Variants in SPINT1 observed in about 807,000 individuals in gnomAD.
SPINT1 encodes the protein kunitz-type protease inhibitor 1.
A neutral mutation model predicts 53.7 loss-of-function variants in SPINT1; 38 were observed. That is an observed-to-expected ratio of 0.71 (90% CI 0.55 to 0.93). SPINT1 has a LOEUF of 0.93. Ranked by LOEUF, SPINT1 falls within the 40% of genes least tolerant of loss-of-function variation. The pLI is 0.00. For synonymous variants in SPINT1, 283 were observed against 280.6 expected, an observed-to-expected ratio of 1.01 and a Z score of -0.08; for missense variants, 645 against 692.9, an observed-to-expected ratio of 0.93 and a Z score of 0.78.
chr15:40,856,830 T>C lies in SPINT1; in HGVS notation c.1397T>C (p.Ile466Thr). Residue 466 changes from isoleucine to threonine, a missense_variant, in exon 11 of 11, where the codon ATC (isoleucine) becomes ACC (threonine). Coordinates refer to ENST00000562057, the MANE Select transcript of SPINT1 (RefSeq NM_003710.4). Reference protein sequence around the residue: ...LVICIVVVVAILGYCFFKNQR... With the variant: ...LVICIVVVVATLGYCFFKNQR... ...ATCTGCATTGTGGTGGTGGTAGCCA[T>C]CTTGGGTTACTGCTTCTTCAAGAAC... 1 of 1,614,102 alleles carries C rather than the reference T, an allele frequency of 6.2e-7. No individual in the cohort carries two copies. Among genetic ancestry groups the C allele is most frequent in the Non-Finnish European group, 8.5e-7 (1 of 1,180,016 alleles).
rs748696756 is a variant in SPINT1, at chr15:40,856,893, C to T, written c.1460C>T (p.Pro487Leu). The stretch of plus-strand genomic sequence containing the variant: ...TTCCACGGACACCACCACCACCCAC[C>T]ACCCACCCCTGCCAGCTCCACTGTC... Reference protein sequence around the residue: ...KDFHGHHHHPPPTPASSTVST... With the variant: ...KDFHGHHHHPLPTPASSTVST... The change falls in exon 11 of 11, where the codon CCA becomes CTA. Residue 487 changes from proline (P) to leucine (L), a missense_variant. Coordinates refer to ENST00000562057, the MANE Select transcript of SPINT1 (RefSeq NM_003710.4). 3 of 1,614,162 alleles carry T rather than the reference C, an allele frequency of 1.9e-6. No individual in the cohort carries two copies. Among genetic ancestry groups the T allele is most frequent in the East Asian group, 2.2e-5 (1 of 44,884 alleles).
Position 40,855,941 on chromosome 15 carries a change from G to A in SPINT1, c.1167G>A (p.Pro389=), listed in dbSNP as rs144011977. 8.2e-5 allele frequency: 132 copies of A among 1,614,106 alleles called. No homozygotes were observed. The African/African-American group carries it at 1.1e-3, about 13-fold the overall frequency. The part of the protein sequence containing the change: ...PDTGLCKESI[P]RWYYNPFSEH... ...CAGGACTCTGCAAGGAGAGCATCCC[G>A]CGCTGGTACTACAACCCCTTCAGCG... The change falls in exon 9 of 11, where the codon CCG becomes CCA. Residue 389 remains proline, a synonymous_variant. Transcript: ENST00000562057.
chr15:40,856,867 C>T lies in SPINT1; in HGVS notation c.1434C>T (p.Asp478=). ...GCTTCTTCAAGAACCAGAGAAAGGA[C>T]TTCCACGGACACCACCACCACCCAC... The part of the protein sequence containing the change: ...GYCFFKNQRK[D]FHGHHHHPPP... The change falls in exon 11 of 11, where the codon GAC becomes GAT. Residue 478 remains aspartate, a synonymous_variant. Coordinates refer to ENST00000562057, the MANE Select transcript of SPINT1 (RefSeq NM_003710.4). 6.2e-7 allele frequency: 1 copy of T among 1,614,182 alleles called. No homozygotes were observed. The highest frequency in any genetic ancestry group is 8.5e-7 in the Non-Finnish European group (1 of 1,180,030).
chr15:40,856,633 T>C, intron 10 of SPINT1, 137 bp from the exon 11 acceptor site: 1 of 1,483,134 alleles, frequency 6.7e-7, no homozygotes, highest in Non-Finnish European at 9.0e-7. Flanking sequence ...GCTGTTCATA[T>C]GTGGGAGGTC....
chr15:40,854,468 T>G lies in SPINT1; in HGVS notation c.1012T>G (p.Cys338Gly), dbSNP rs748183999. ...NGCCIDSFLE[C>G]DDTPNCPDAS... The stretch of plus-strand genomic sequence containing the variant: ...CTGCTGCATCGACAGTTTCCTGGAG[T>G]GTGACGACACCCCCAACTGCCCCGA... The change falls in exon 7 of 11, where the codon TGT (cysteine) becomes GGT (glycine). Residue 338 changes from cysteine (C) to glycine (G), a missense_variant. Physicochemically the swap from Cys to Gly is radical, Grantham distance 159. Coordinates refer to ENST00000562057, the MANE Select transcript of SPINT1 (RefSeq NM_003710.4). 1 of 1,613,168 alleles carries G rather than the reference T, an allele frequency of 6.2e-7. No homozygotes were observed. Among genetic ancestry groups the G allele is most frequent in the Non-Finnish European group, 8.5e-7 (1 of 1,179,806 alleles).
At chr15:40,854,551 G>A in intron 7 of SPINT1, 29 bp downstream of exon 7, 9 of 1,613,568 alleles carry the variant, frequency 5.6e-6, no homozygotes, top group Non-Finnish European at 7.6e-6. Context: ...AGGGGGTTGG[G>A]CAGCAGACAG....
chr15:40,856,004 C>T lies in SPINT1; in HGVS notation c.1230C>T (p.Gly410=). 1 of 1,614,216 alleles carries T rather than the reference C, an allele frequency of 6.2e-7. No homozygotes were observed. The highest frequency in any genetic ancestry group is 8.5e-7 in the Non-Finnish European group (1 of 1,180,038). The change falls in exon 9 of 11, where the codon GGC becomes GGT. Residue 410 remains glycine (G), a synonymous_variant. Coordinates refer to ENST00000562057, the MANE Select transcript of SPINT1 (RefSeq NM_003710.4). Reference sequence around the variant, plus strand: ...GCTTTACCTATGGTGGTTGTTACGGCAACAAGAACAACTTTGAGGAAGAGC... The same window carrying T: ...GCTTTACCTATGGTGGTTGTTACGGTAACAAGAACAACTTTGAGGAAGAGC... ...CARFTYGGCY[G]NKNNFEEEQQ... is the part of the protein sequence containing the mutation.
At position 40,853,495 on chromosome 15, in the gene SPINT1, G is replaced by T; in HGVS notation, c.610G>T (p.Asp204Tyr). Residue 204 changes from aspartate (D) to tyrosine (Y), a missense_variant, in exon 4 of 11, where the codon GAC becomes TAC. By Grantham distance (160) the Asp-to-Tyr change is radical. Coordinates refer to ENST00000562057, the MANE Select transcript of SPINT1 (RefSeq NM_003710.4). Reference protein sequence around the residue: ...GDTDVRVERKDPNQVELWGLK... With the variant: ...GDTDVRVERKYPNQVELWGLK... The stretch of plus-strand genomic sequence containing the variant: ...TAGCCACTCCTGTGTGCAGAGGAAA[G>T]ACCCAAACCAGGTGGAACTGTGGGG... 6.2e-7 allele frequency: 1 copy of T among 1,614,116 alleles called. No individual in the cohort carries two copies. The highest frequency in any genetic ancestry group is 8.5e-7 in the Non-Finnish European group (1 of 1,179,988).
At chr15:40,847,736 G>A (rs1220730379) in intron 2 of SPINT1, among the ~76,000 whole-genome samples, 4 of 152,106 alleles carry the variant, frequency 2.6e-5, no homozygotes, top group Admixed American at 2.0e-4. Context: ...TGGGGGCTGG[G>A]GCTTGGAGAG....
At chr15:40,852,556 T>C (rs1401014290) in intron 2 of SPINT1, among the ~76,000 whole-genome samples, 3 of 151,942 alleles carry the variant, frequency 2.0e-5, no homozygotes, top group Admixed American at 6.6e-5. Context: ...CCCTTGTAAC[T>C]GGAGGCCGAG....
intron 2 of SPINT1, among the ~76,000 whole-genome samples, chr15:40,849,356 C>T (rs555002494): frequency 5.5e-4 from 84 of 152,304 alleles, no homozygotes; most frequent in African/African-American, 1.9e-3. Flanking sequence ...AAGCGATCCT[C>T]CCAACCTCAT....
Position 40,845,010 on chromosome 15 carries a change from G to C in SPINT1, c.456G>C (p.Leu152=), listed in dbSNP as rs775688195. Residue 152 remains leucine (L), a synonymous_variant, in exon 2 of 11, where the codon CTG becomes CTC. Transcript: ENST00000562057. Reference sequence around the variant, plus strand: ...AAGTGTACCGCTCCTACCGCCAGCTGCGGACCCAGGGCTTTGGAGGTGAGG... The same window carrying C: ...AAGTGTACCGCTCCTACCGCCAGCTCCGGACCCAGGGCTTTGGAGGTGAGG... ...TREVYRSYRQ[L]RTQGFGGSGI... The C allele has an allele frequency of 6.2e-7, 1 of 1,609,868 alleles. No individual in the cohort carries two copies. The highest frequency in any genetic ancestry group is 8.5e-7 in the Non-Finnish European group (1 of 1,177,966).
At chr15:40,852,856 G>A (rs1186958644) in intron 2 of SPINT1, among the ~76,000 whole-genome samples, 1 of 150,118 alleles carries the variant, frequency 6.7e-6, no homozygotes, top group Non-Finnish European at 1.5e-5. Context: ...AGGAAACATA[G>A]CAAGACCCCA....
At chr15:40,850,106 CTTG>C (rs1466797225) in intron 2 of SPINT1, among the ~76,000 whole-genome samples, 1 of 152,214 alleles carries the variant, frequency 6.6e-6, no homozygotes, top group Non-Finnish European at 1.5e-5. Context: ...GAGTTTCGCT[CTTG>C]TTGTCCAGGC....
Position 40,844,055 on chromosome 15 carries a change from C to T in SPINT1, c.-197C>T, listed in dbSNP as rs976034318. On this transcript the variant is annotated 5_prime_UTR_variant, in exon 1 of 11. Transcript: ENST00000562057. The surrounding 1 kb of genome is among the most constrained non-coding windows in gnomAD (Gnocchi z 5.8). ...CCCCGACGGCGCTGACTCAGTTTCA[C>T]CAGAAACCAGGGGGAGAAGGCGGCC... is the stretch of plus-strand genomic sequence containing the variant. The T allele has an allele frequency of 2.3e-6, 1 of 426,538 alleles. No homozygotes were observed. Among genetic ancestry groups the T allele is most frequent in the Non-Finnish European group, 4.7e-6 (1 of 214,826 alleles). 26.4% of individuals were successfully genotyped at this position (426,538 alleles called of 1,614,324 possible). A position where few individuals can be genotyped will look rare whatever the true frequency, so the allele number is the denominator to read the frequency against.
rs372963829 is a variant in SPINT1 at position 40,854,063 on chromosome 15, C to G, written c.917C>G (p.Pro306Arg). 6.4e-7 allele frequency: 1 copy of G among 1,550,472 alleles called. No individual in the cohort carries two copies. Among genetic ancestry groups the G allele is most frequent in the East Asian group, 2.2e-5 (1 of 44,448 alleles). ...CATTCTCTGTTCTCTCTCCCAGGCC[C>G]CTCCATGGAAAGGCGCCATCCAGGT... ...CILACRGVQG[P>R]SMERRHPVCS... Residue 306 changes from proline (P) to arginine (R), a missense_variant, in exon 6 of 11, where the codon CCC becomes CGC. Pro to Arg is a moderately radical substitution (Grantham distance 103, BLOSUM62 -2). Transcript: ENST00000562057.
chr15:40,853,452 G>A (rs200346403), intron 3 of SPINT1, 37 bp from the exon 4 acceptor site: 48 of 1,613,774 alleles, frequency 3.0e-5, no homozygotes, highest in Non-Finnish European at 4.1e-5. Flanking sequence ...AAGGGCATCA[G>A]GGGGTGCCCA....
At chr15:40,846,731 C>T (rs1891310617) in intron 2 of SPINT1, among the ~76,000 whole-genome samples, 1 of 152,184 alleles carries the variant, frequency 6.6e-6, no homozygotes, top group Non-Finnish European at 1.5e-5. Context: ...CCTCCGCAGA[C>T]TTTTCCTGGG....
intron 8 of SPINT1, 101 bp downstream of exon 8, chr15:40,854,790 G>A: frequency 6.8e-7 from 1 of 1,472,484 alleles, no homozygotes; most frequent in Non-Finnish European, 9.4e-7. Flanking sequence ...GGGTGTACGG[G>A]CCTGTGGGCA....
Sources: allele counts gnomAD v4.1 joint callset (sites outside exome capture counted in the v4.1 genomes callset), GRCh38; gene constraint gnomAD v4.1.1; non-coding constraint Gnocchi (gnomAD v3.1); transcripts MANE v1.5; gene names NCBI Gene and HGNC (gene_info 2026-07-23, HGNC 2026-07-21).